The following RIMS1 variants were observed in gnomAD, a reference collection of about 807,000 sequenced individuals.
RIMS1 encodes the protein regulating synaptic membrane exocytosis 1, also known as regulating synaptic membrane exocytosis protein 1.
RIMS1 carries 83 observed loss-of-function variants against 214.1 expected under a neutral mutation model. The ratio of observed to expected loss-of-function variants is 0.39; its 90% CI spans 0.32 to 0.47. The LOEUF (loss-of-function observed/expected upper bound fraction) is 0.47. Among genes scored for constraint, RIMS1 ranks in the 20% least tolerant of loss-of-function variants. The pLI is 0.99. For missense variants in RIMS1, 2,050 were observed against 2,161.8 expected (o/e 0.95, Z 1.03); for synonymous variants, 793 against 786.8 (o/e 1.01, Z -0.13).
chr6:72,380,302 T>C (rs202200798), intron 29 of RIMS1, among the ~76,000 whole-genome samples: 3 of 152,118 alleles, frequency 2.0e-5, no homozygotes, highest in Non-Finnish European at 4.4e-5. Context: ...ATGTAAATGA[T>C]GAGTTAATGG....
At chr6:71,975,074 C>T (rs191863732) in intron 2 of RIMS1, among the ~76,000 whole-genome samples, 51 of 152,246 alleles carry the variant, frequency 3.3e-4, no homozygotes, top group Admixed American at 1.6e-3. Context: ...AAAAGCCAGA[C>T]ACCAGTGATA....
At chr6:72,053,042 A>AATC (rs1475848905) in intron 2 of RIMS1, among the ~76,000 whole-genome samples, 3 of 152,286 alleles carry the variant, frequency 2.0e-5, no homozygotes, top group Admixed American at 1.3e-4. Context: ...ATACTTCCTG[A>AATC]AGTGAACCTT....
intron 1 of RIMS1, among the ~76,000 whole-genome samples, chr6:71,911,773 A>G (rs1777004459): frequency 6.6e-6 from 1 of 152,158 alleles, no homozygotes. Context: ...TGGTGCTTTC[A>G]AATTATAAGA....
At chr6:72,215,771 A>G (rs568163500) in intron 6 of RIMS1, among the ~76,000 whole-genome samples, 13 of 152,344 alleles carry the variant, frequency 8.5e-5, no homozygotes, top group African/African-American at 3.1e-4. Flanking sequence ...GAGACCGTAA[A>G]TATGTTCTTT....
intron 22 of RIMS1, among the ~76,000 whole-genome samples, chr6:72,271,047 C>CG (rs1190706357): frequency 1.3e-5 from 2 of 151,962 alleles, no homozygotes; most frequent in African/African-American, 4.8e-5. Context: ...GCGGGCAGAT[C>CG]ACTAGGTCAG....
chr6:72,030,271 C>T (rs1817713667), intron 2 of RIMS1, among the ~76,000 whole-genome samples: 1 of 152,136 alleles, frequency 6.6e-6, no homozygotes, highest in South Asian at 2.1e-4. Context: ...CTTTGGACTA[C>T]ATTTTGATGT....
At chr6:71,887,218 C>T (rs765503928) in intron 1 of RIMS1, 31 bp downstream of exon 1, 2 of 1,584,690 alleles carry the variant, frequency 1.3e-6, no homozygotes, top group East Asian at 4.6e-5. Context: ...CCATCCATGC[C>T]TCCGTGCCTC....
chr6:72,125,296 G>A (rs186633639), intron 4 of RIMS1, among the ~76,000 whole-genome samples: 83 of 152,250 alleles, frequency 5.5e-4, no homozygotes, highest in African/African-American at 1.9e-3. Context: ...TGTTTGCCTG[G>A]GTATCACCAG....
chr6:72,034,634 T>C (rs1819078854), intron 2 of RIMS1, among the ~76,000 whole-genome samples: 1 of 151,950 alleles, frequency 6.6e-6, no homozygotes, highest in Admixed American at 6.6e-5. Flanking sequence ...AGAACAAATA[T>C]CAAGAGACAA....
intron 1 of RIMS1, among the ~76,000 whole-genome samples, chr6:71,889,741 T>C (rs967956296): frequency 3.3e-5 from 5 of 152,196 alleles, no homozygotes; most frequent in African/African-American, 1.2e-4. Context: ...TAATGACACA[T>C]AGTCATAGAT....
intron 2 of RIMS1, among the ~76,000 whole-genome samples, chr6:72,034,168 G>A (rs984079389): frequency 6.6e-6 from 1 of 152,096 alleles, no homozygotes; most frequent in African/African-American, 2.4e-5. Flanking sequence ...CAAGTACCCA[G>A]TAAAATTTAA....
intron 2 of RIMS1, among the ~76,000 whole-genome samples, chr6:72,054,623 C>T (rs1277768971): frequency 1.3e-5 from 2 of 152,120 alleles, no homozygotes; most frequent in Non-Finnish European, 2.9e-5. Flanking sequence ...GCCATTCTGA[C>T]TGGCATGAGA....
intron 1 of RIMS1, among the ~76,000 whole-genome samples, chr6:71,902,264 G>A (rs79387324): frequency 5.9e-4 from 90 of 152,000 alleles, no homozygotes; most frequent in Non-Finnish European, 1.0e-3. Context: ...TGAGATTTGA[G>A]GATAAAGAAA....
At chr6:71,938,577 A>G (rs557013716) in intron 1 of RIMS1, among the ~76,000 whole-genome samples, 1 of 152,280 alleles carries the variant, frequency 6.6e-6, no homozygotes, top group Admixed American at 6.5e-5. Flanking sequence ...ACACCTGGAC[A>G]TGCATGAGCT....
At chr6:72,042,593 G>A (rs1821755888) in intron 2 of RIMS1, among the ~76,000 whole-genome samples, 1 of 151,832 alleles carries the variant, frequency 6.6e-6, no homozygotes, top group Admixed American at 6.6e-5. Flanking sequence ...CACATAGGGT[G>A]TCTCCAATTT....
At chr6:72,287,041 C>G (rs1176359695) in intron 24 of RIMS1, among the ~76,000 whole-genome samples, 1 of 152,172 alleles carries the variant, frequency 6.6e-6, no homozygotes, top group Non-Finnish European at 1.5e-5. Flanking sequence ...AGATAAAAGT[C>G]TAGCTTTTCA....
chr6:72,144,999 C>T (rs1261649654), intron 4 of RIMS1, among the ~76,000 whole-genome samples: 1 of 152,048 alleles, frequency 6.6e-6, no homozygotes, highest in African/African-American at 2.4e-5. Context: ...ATTCTCCTGC[C>T]TCAGCCTCCT....
intron 2 of RIMS1, among the ~76,000 whole-genome samples, chr6:72,006,463 G>A (rs1053703111): frequency 2.0e-5 from 3 of 152,192 alleles, no homozygotes; most frequent in Admixed American, 1.3e-4. Context: ...ATCTACTGGG[G>A]AGTGTTGGAA....
At chr6:72,179,070 C>T (rs2048104698) in intron 4 of RIMS1, among the ~76,000 whole-genome samples, 1 of 152,046 alleles carries the variant, frequency 6.6e-6, no homozygotes, top group Admixed American at 6.6e-5. Context: ...TTGTATGTTT[C>T]TTCTATGTGA....
Sources: allele counts gnomAD v4.1 joint callset (sites outside exome capture counted in the v4.1 genomes callset), GRCh38; gene constraint gnomAD v4.1.1; transcripts MANE v1.5; gene names NCBI Gene and HGNC (gene_info 2026-07-23, HGNC 2026-07-21).